The following RFX3 variants were observed in gnomAD, a reference collection of about 807,000 sequenced individuals.
RFX3 encodes transcription factor RFX3.
RFX3 carries 14 observed loss-of-function variants against 98.6 expected under a neutral mutation model. The ratio of observed to expected loss-of-function variants is 0.14; its 90% confidence interval spans 0.09 to 0.22. RFX3 has a LOEUF of 0.22. Ranked by LOEUF, RFX3 falls within the 10% of genes least tolerant of loss-of-function variation. The pLI, the probability that RFX3 is intolerant of heterozygous loss-of-function variation, is 1.00. For synonymous variants in RFX3, 383 were observed against 328.4 expected (o/e 1.17, Z -1.80); for missense variants, 639 against 926.9 (o/e 0.69, Z 4.03).
intron 11 of RFX3, among the ~76,000 whole-genome samples, chr9:3,269,057 G>C (rs901011492): frequency 2.0e-5 from 3 of 151,968 alleles, no homozygotes; most frequent in Non-Finnish European, 2.9e-5. Flanking sequence ...AGAGAATTTA[G>C]CTAGTGAAAC....
chr9:3,270,303 CT>C, intron 11 of RFX3, 67 bp downstream of exon 11: 1 of 1,460,066 alleles, frequency 6.8e-7, no homozygotes, highest in South Asian at 1.3e-5. Context: ...TGCAATGTCA[CT>C]TCTCAAAACT....
intron 8 of RFX3, among the ~76,000 whole-genome samples, chr9:3,276,207 T>C (rs150057407): frequency 6.6e-6 from 1 of 152,114 alleles, no homozygotes; most frequent in Non-Finnish European, 1.5e-5. Context: ...TACCAACATG[T>C]GCTTTGTGGT....
chr9:3,285,391 AT>A (rs1220898795), intron 7 of RFX3, among the ~76,000 whole-genome samples: 1 of 151,910 alleles, frequency 6.6e-6, no homozygotes, highest in East Asian at 1.9e-4. Flanking sequence ...CATAAAATAT[AT>A]TTTTAAGAAG....
chr9:3,236,476 C>G (rs916104316), intron 15 of RFX3, among the ~76,000 whole-genome samples: 1 of 152,208 alleles, frequency 6.6e-6, no homozygotes, highest in Admixed American at 6.5e-5. Context: ...ATATCCTGGT[C>G]CTCTGGACAG....
intron 2 of RFX3, among the ~76,000 whole-genome samples, chr9:3,386,139 A>G (rs1839694284): frequency 6.6e-6 from 1 of 152,174 alleles, no homozygotes; most frequent in Non-Finnish European, 1.5e-5. Context: ...CTTGACTAGT[A>G]AAGAAAATGA....
chr9:3,301,062 C>A (rs376451972), intron 5 of RFX3, among the ~76,000 whole-genome samples: 1 of 151,764 alleles, frequency 6.6e-6, no homozygotes, highest in South Asian at 2.1e-4. Context: ...TTGTTTACTG[C>A]CCACCTTACA....
intron 9 of RFX3, among the ~76,000 whole-genome samples, chr9:3,272,082 T>C (rs1008772551): frequency 6.6e-6 from 1 of 152,116 alleles, no homozygotes; most frequent in Non-Finnish European, 1.5e-5. Context: ...CTGTCAATGA[T>C]GATAATTTTA....
intron 1 of RFX3, among the ~76,000 whole-genome samples, chr9:3,459,880 T>C (rs1045844872): frequency 2.0e-5 from 3 of 152,104 alleles, no homozygotes; most frequent in Admixed American, 2.0e-4. Flanking sequence ...TTTGAAAGTA[T>C]TTTACCTAAA....
intron 1 of RFX3, among the ~76,000 whole-genome samples, chr9:3,407,747 C>G (rs574767548): frequency 6.6e-6 from 1 of 152,122 alleles, no homozygotes; most frequent in East Asian, 1.9e-4. Flanking sequence ...ATAGATCATC[C>G]TCTAAAAAAT....
chr9:3,423,783 A>AT (rs1554704316), intron 1 of RFX3, among the ~76,000 whole-genome samples: 33 of 89,260 alleles, frequency 3.7e-4, no homozygotes, highest in African/African-American at 1.9e-3. Flanking sequence ...ATTTTCATAT[A>AT]TATATATATA....
intron 15 of RFX3, among the ~76,000 whole-genome samples, chr9:3,244,654 C>T (rs190229695): frequency 7.9e-5 from 12 of 152,312 alleles, no homozygotes; most frequent in Admixed American, 3.3e-4. Flanking sequence ...ACAGAGTTAA[C>T]ATCTTTTGTC....
chr9:3,226,400 T>C (rs533234686), intron 16 of RFX3, among the ~76,000 whole-genome samples: 35 of 152,300 alleles, frequency 2.3e-4, no homozygotes, highest in Admixed American at 2.1e-3. Flanking sequence ...AAGTTTGTTC[T>C]AGAAAAAAGC....
rs1840765738 is a variant in RFX3 at position 3,395,517 on chromosome 9, T to G, written c.72A>C (p.Ala24=). ...VTLQTSVASQ[A]AVPTQVVQQV... ...GCTGTACCACCTGCGTAGGCACTGC[T>G]GCTTGACTAGCCACAGATGTTTGTA... The change falls in exon 2 of 17, where the codon GCA becomes GCC. Residue 24 remains alanine (A), a synonymous_variant. Transcript: ENST00000617270. The G allele has an allele frequency of 6.2e-7, 1 of 1,614,078 alleles. No individual in the cohort carries two copies. The highest frequency in any genetic ancestry group is 1.3e-5 in the African/African-American group (1 of 74,950).
chr9:3,447,916 T>A (rs1207321324), intron 1 of RFX3, among the ~76,000 whole-genome samples: 1 of 152,138 alleles, frequency 6.6e-6, no homozygotes, highest in African/African-American at 2.4e-5. Context: ...ACAATTTTAA[T>A]CAGGCAAGCC....
At position 3,525,940 on chromosome 9, in the gene RFX3, G is replaced by GA. The variant is rs1428967257; in HGVS notation, c.-203_-202insT. On this transcript the variant is annotated 5_prime_UTR_variant, in exon 1 of 17. Coordinates refer to ENST00000617270, the MANE Select transcript of RFX3 (RefSeq NM_001282116.2). ...ATAACTCACAAAAGAGAGAGAGAGA[G>GA]GGAGAGAGAGAGAGAGCGAGAGGGA... is the stretch of plus-strand genomic sequence containing the variant. 75 of 914,730 alleles carry GA rather than the reference G, an allele frequency of 8.2e-5. No homozygotes were observed. In the African/African-American group the frequency reaches 1.1e-3, roughly 13 times the overall value. 56.7% of individuals were successfully genotyped at this position (914,730 alleles called of 1,614,324 possible).
At chr9:3,379,799 T>A (rs998710516) in intron 2 of RFX3, among the ~76,000 whole-genome samples, 2 of 152,216 alleles carry the variant, frequency 1.3e-5, no homozygotes, top group Admixed American at 6.5e-5. Flanking sequence ...AATTTGTACT[T>A]ATATCTGTAA....
intron 1 of RFX3, among the ~76,000 whole-genome samples, chr9:3,417,240 G>A (rs1843061786): frequency 1.3e-5 from 2 of 151,846 alleles, no homozygotes; most frequent in Non-Finnish European, 2.9e-5. Context: ...ATAATAAAAT[G>A]CAGTATTATT....
At position 3,359,436 on chromosome 9, in the gene RFX3, GCT is replaced by G. The variant is rs1198389829; in HGVS notation, c.118-12674_118-12673del. Among the ~76,000 whole-genome samples, 11 of 152,172 alleles carry G rather than the reference GCT, an allele frequency of 7.2e-5. No homozygotes were observed. In the East Asian group the frequency reaches 2.1e-3, roughly 29 times the overall value. On this transcript the variant is annotated intron_variant, in intron 2 of 16. Coordinates refer to ENST00000617270, the MANE Select transcript of RFX3 (RefSeq NM_001282116.2). Reference sequence around the variant, plus strand: ...AGGTGGATTGGAAAGCCATAGCTATGCTCTCTTCTACCCAAAGTAAAGTCAGT... The same window carrying G: ...AGGTGGATTGGAAAGCCATAGCTATGCTCTTCTACCCAAAGTAAAGTCAGT...
At chr9:3,521,173 T>C (rs1247961525) in intron 1 of RFX3, among the ~76,000 whole-genome samples, 1 of 152,194 alleles carries the variant, frequency 6.6e-6, no homozygotes, top group Non-Finnish European at 1.5e-5. Context: ...TAAAGCCACA[T>C]ATCGCCAAAT....
Sources: allele counts gnomAD v4.1 joint callset (sites outside exome capture counted in the v4.1 genomes callset), GRCh38; gene constraint gnomAD v4.1.1; transcripts MANE v1.5; gene names NCBI Gene and HGNC (gene_info 2026-07-23, HGNC 2026-07-21).